The following PTMA variants were observed in gnomAD, a reference collection of about 807,000 sequenced individuals.
PTMA encodes gene sequence 28.
Under a neutral mutation model 16.9 loss-of-function variants are expected in PTMA, and 4 were observed. That is an observed-to-expected ratio of 0.24 (90% CI 0.12 to 0.54). The LOEUF is 0.54. Among genes scored for constraint, PTMA ranks in the 20% least tolerant of loss-of-function variants. The pLI is 0.95. For missense variants in PTMA, 120 were observed against 137.7 expected, an observed-to-expected ratio of 0.87 and a Z score of 0.64; for synonymous variants, 58 against 47.9, an observed-to-expected ratio of 1.21 and a Z score of -0.87.
intron 3 of PTMA, 135 bp downstream of exon 3, chr2:231,712,118 C>T (rs2048525525): frequency 1.4e-6 from 2 of 1,463,406 alleles, no homozygotes; most frequent in Non-Finnish European, 1.8e-6. Context: ...TGGCCCTGGG[C>T]ACCCACCTGT....
Position 231,708,536 on chromosome 2 carries a change from T to G in PTMA, c.-171T>G. 1.3e-6 allele frequency: 1 copy of G among 753,468 alleles called. No homozygotes were observed. Among genetic ancestry groups the G allele is most frequent in the Non-Finnish European group, 2.3e-6 (1 of 444,068 alleles). The allele number at this position is 753,468 out of a possible 1,614,324, so 46.7% of individuals were successfully genotyped here. A position where few individuals can be genotyped will look rare whatever the true frequency, so the allele number is the denominator to read the frequency against. ...GGCGCCGCGTGAGTCCCCCACTGGC[T>G]GCTCTGAAAAGCCATCTTTGCATTG... On this transcript the variant is annotated 5_prime_UTR_variant, in exon 1 of 5. Transcript: ENST00000409115.
intron 1 of PTMA, 30 bp from the exon 2 acceptor site, chr2:231,711,318 T>G: frequency 6.3e-7 from 1 of 1,595,374 alleles, no homozygotes; most frequent in South Asian, 1.1e-5. Context: ...GAAGACTTAC[T>G]GGTTACTGGT....
chr2:231,710,160 G>C, intron 1 of PTMA: 1 of 1,274,690 alleles, frequency 7.8e-7, no homozygotes, highest in Non-Finnish European at 1.0e-6. Flanking sequence ...GCGACCTCCC[G>C]TGGGACTTGG....
At position 231,708,525 on chromosome 2, in the gene PTMA, C is replaced by A. The variant is rs1037489722; in HGVS notation, c.-182C>A. Reference sequence around the variant, plus strand: ...TTAAAGCTTCTGGCGCCGCGTGAGTCCCCCACTGGCTGCTCTGAAAAGCCA... The same window carrying A: ...TTAAAGCTTCTGGCGCCGCGTGAGTACCCCACTGGCTGCTCTGAAAAGCCA... On this transcript the variant is annotated 5_prime_UTR_variant, in exon 1 of 5. Coordinates refer to ENST00000409115, the MANE Select transcript of PTMA (RefSeq NM_002823.5). 8 of 700,554 alleles carry A rather than the reference C, an allele frequency of 1.1e-5. No individual in the cohort carries two copies. Among genetic ancestry groups the A allele is most frequent in the African/African-American group, 1.8e-5 (1 of 55,518 alleles). The allele number at this position is 700,554 out of a possible 1,614,324, so 43.4% of individuals were successfully genotyped here. A position where few individuals can be genotyped will look rare whatever the true frequency, so the allele number is the denominator to read the frequency against.
At chr2:231,711,268 C>T (rs1381209354) in intron 1 of PTMA, 80 bp from the exon 2 acceptor site, 2 of 1,142,094 alleles carry the variant, frequency 1.8e-6, no homozygotes, top group Admixed American at 1.7e-5. Flanking sequence ...GCCGTACAGA[C>T]CAGTAGTTCT....
At position 231,710,015 on chromosome 2, in the gene PTMA, C is replaced by T. The variant is rs115855918; in HGVS notation, c.45+1264C>T. 2,759 of 1,156,554 alleles carry T rather than the reference C, an allele frequency of 2.4e-3. 57 individuals carry two copies. In the African/African-American group the frequency reaches 0.04, roughly 17 times the overall value. 71.6% of individuals were successfully genotyped at this position (1,156,554 alleles called of 1,614,324 possible). ...GAATGAGTTTGTGGGGTGAGAACACCGTCCCCAGTGCGGGGCCTGGCTGTT... is the reference window on the plus strand; with the variant it reads ...GAATGAGTTTGTGGGGTGAGAACACTGTCCCCAGTGCGGGGCCTGGCTGTT... On this transcript the variant is annotated intron_variant, in intron 1 of 4. Coordinates refer to ENST00000409115, the MANE Select transcript of PTMA (RefSeq NM_002823.5).
At chr2:231,711,602 A>G (rs1369047694) in intron 2 of PTMA, 183 bp downstream of exon 2, 12 of 738,748 alleles carry the variant, frequency 1.6e-5, no homozygotes, top group East Asian at 2.7e-5. Context: ...ATTTATAAAA[A>G]CCTTTCGAGC....
rs2048539633 is a variant in PTMA at position 231,713,068 on chromosome 2, C to T, written c.*217C>T. ...GGGAGGAAAAAAGAACCAAAACTTC[C>T]AAGGCCCTGCTTTTTTTCTTAAAAG... On this transcript the variant is annotated 3_prime_UTR_variant, in exon 5 of 5. Transcript: ENST00000409115. 1 of 567,952 alleles carries T rather than the reference C, an allele frequency of 1.8e-6. No homozygotes were observed. Among genetic ancestry groups the T allele is most frequent in the African/African-American group, 1.9e-5 (1 of 52,566 alleles). 35.2% of individuals were successfully genotyped at this position (567,952 alleles called of 1,614,324 possible). A position where few individuals can be genotyped will look rare whatever the true frequency, so the allele number is the denominator to read the frequency against.
At chr2:231,709,020 C>T (rs527700708) in intron 1 of PTMA, among the ~76,000 whole-genome samples, 1 of 152,182 alleles carries the variant, frequency 6.6e-6, no homozygotes. Flanking sequence ...GGCTCACGGC[C>T]CTCGAAACTC....
rs551638299 is a variant in PTMA, at chr2:231,712,842, G to C, written c.324G>C (p.Glu108Asp). The change falls in exon 5 of 5, where the codon GAG becomes GAC. Residue 108 changes from glutamate to aspartate, a missense_variant. Transcript: ENST00000409115. ...ATACCAAGAAGCAGAAGACCGACGAGGATGACTAGACAGCAAAAAAGGAAA... is the reference window on the plus strand; with the variant it reads ...ATACCAAGAAGCAGAAGACCGACGACGATGACTAGACAGCAAAAAAGGAAA... ...DVDTKKQKTDEDD is the reference protein window; with the variant it reads ...DVDTKKQKTDDDD 1.9e-6 allele frequency: 3 copies of C among 1,581,136 alleles called. No individual in the cohort carries two copies. Among genetic ancestry groups the C allele is most frequent in the Middle Eastern group, 2.0e-4 (1 of 5,028 alleles).
chr2:231,708,771 GC>G lies in PTMA; in HGVS notation c.45+25del, dbSNP rs776915748. 5 of 1,599,454 alleles carry G rather than the reference GC, an allele frequency of 3.1e-6. No homozygotes were observed. The highest frequency in any genetic ancestry group is 2.5e-6 in the Non-Finnish European group (3 of 1,178,480). ...ACCAAGGTGAGGCTGGACGCCGCCCGCCCCCTCGGGGTCCGCGCGCCGCCGC... is the reference window on the plus strand; with the variant it reads ...ACCAAGGTGAGGCTGGACGCCGCCCGCCCCTCGGGGTCCGCGCGCCGCCGC... On this transcript the variant is annotated intron_variant, in intron 1 of 4. Coordinates refer to ENST00000409115, the MANE Select transcript of PTMA (RefSeq NM_002823.5).
chr2:231,710,175 C>T (rs1170617638), intron 1 of PTMA: 4 of 1,290,852 alleles, frequency 3.1e-6, no homozygotes, highest in Admixed American at 3.6e-5. Flanking sequence ...ACTTGGCCCG[C>T]CGAATGCAGA....
In PTMA at chr2:231,713,002, G is replaced by T. The variant is rs975859842; in HGVS notation, c.*151G>T. On this transcript the variant is annotated 3_prime_UTR_variant, in exon 5 of 5. Transcript: ENST00000409115. ...GCAGTGCCACCCGCAGATGACACGC[G>T]CTCTCCACCACCCAACCCAAACCAT... 1.1e-5 allele frequency: 8 copies of T among 734,218 alleles called. No individual in the cohort carries two copies. Among genetic ancestry groups the T allele is most frequent in the South Asian group, 1.9e-5 (1 of 51,798 alleles). 45.5% of individuals were successfully genotyped at this position (734,218 alleles called of 1,614,324 possible).
At chr2:231,711,760 G>A in intron 2 of PTMA, 130 bp from the exon 3 acceptor site, 1 of 1,496,756 alleles carries the variant, frequency 6.7e-7, no homozygotes, top group South Asian at 1.3e-5. Flanking sequence ...AAGGGTCTCT[G>A]GGGTGGGCTT....
rs1342451991 is a variant in PTMA at position 231,713,064 on chromosome 2, C to T, written c.*213C>T. 2 of 571,842 alleles carry T rather than the reference C, an allele frequency of 3.5e-6. No individual in the cohort carries two copies. Among genetic ancestry groups the T allele is most frequent in the African/African-American group, 1.9e-5 (1 of 52,572 alleles). The allele number at this position is 571,842 out of a possible 1,614,324, so 35.4% of individuals were successfully genotyped here. A position where few individuals can be genotyped will look rare whatever the true frequency, so the allele number is the denominator to read the frequency against. On this transcript the variant is annotated 3_prime_UTR_variant, in exon 5 of 5. Transcript: ENST00000409115. ...ACAGGGGAGGAAAAAAGAACCAAAA[C>T]TTCCAAGGCCCTGCTTTTTTTCTTA... is the stretch of plus-strand genomic sequence containing the variant.
At chr2:231,708,955 C>T (rs967733808) in intron 1 of PTMA, among the ~76,000 whole-genome samples, 48 of 152,308 alleles carry the variant, frequency 3.2e-4, no homozygotes, top group Non-Finnish European at 6.8e-4. Flanking sequence ...AGACGTGATG[C>T]CCGTCGGGGA....
In PTMA at chr2:231,708,757, G is replaced by T. The variant is rs770532036; in HGVS notation, c.45+6G>T. The T allele has an allele frequency of 1.9e-6, 3 of 1,601,984 alleles. No individual in the cohort carries two copies. Among genetic ancestry groups the T allele is most frequent in the Non-Finnish European group, 2.5e-6 (3 of 1,179,296 alleles). On this transcript the variant is annotated splice_donor_region_variant and intron_variant, in intron 1 of 4. Transcript: ENST00000409115. ...GCTCCGAAATCACCACCAAGGTGAG[G>T]CTGGACGCCGCCCGCCCCCTCGGGG...
Position 231,712,536 on chromosome 2 carries a change from G to A in PTMA, c.285+20G>A. The A allele has an allele frequency of 6.2e-7, 1 of 1,613,510 alleles. No individual in the cohort carries two copies. Among genetic ancestry groups the A allele is most frequent in the Non-Finnish European group, 8.5e-7 (1 of 1,179,442 alleles). On this transcript the variant is annotated intron_variant, in intron 4 of 4. Coordinates refer to ENST00000409115, the MANE Select transcript of PTMA (RefSeq NM_002823.5). Reference sequence around the variant, plus strand: ...GATGAGGTGGGTTCTGGCTTGAGAAGAAGGGGGGTTTGGCATCTGGGTCTC... The same window carrying A: ...GATGAGGTGGGTTCTGGCTTGAGAAAAAGGGGGGTTTGGCATCTGGGTCTC...
At chr2:231,712,115 G>C (rs1490014187) in intron 3 of PTMA, 132 bp downstream of exon 3, 1 of 1,471,136 alleles carries the variant, frequency 6.8e-7, no homozygotes, top group African/African-American at 1.4e-5. Context: ...ACATGGCCCT[G>C]GGCACCCACC....
Sources: allele counts gnomAD v4.1 joint callset (sites outside exome capture counted in the v4.1 genomes callset), GRCh38; gene constraint gnomAD v4.1.1; transcripts MANE v1.5; gene names NCBI Gene and HGNC (gene_info 2026-07-23, HGNC 2026-07-21).